The following NCOR1 variants were observed in gnomAD, a reference collection of about 807,000 sequenced individuals.
The protein encoded by NCOR1 is protein phosphatase 1, regulatory subunit 109.
A neutral mutation model predicts 288.1 loss-of-function variants in NCOR1; 63 were observed. That is an observed-to-expected ratio of 0.22 (90% confidence interval 0.18 to 0.27). The LOEUF is 0.27. Among genes scored for constraint, NCOR1 ranks in the 10% least tolerant of loss-of-function variants. The pLI, the probability that NCOR1 is intolerant of heterozygous loss-of-function variation, is 1.00. For synonymous variants in NCOR1, 1,007 were observed against 1,065.9 expected, an observed-to-expected ratio of 0.94 and a Z score of 1.08; for missense variants, 2,397 against 3,019.2, an observed-to-expected ratio of 0.79 and a Z score of 4.83.
chr17:16,151,322 C>T (rs988205980), intron 8 of NCOR1, among the ~76,000 whole-genome samples: 3 of 151,994 alleles, frequency 2.0e-5, no homozygotes, highest in African/African-American at 7.3e-5. Context: ...AGGCCTGGTA[C>T]TAGGATGAGC....
At chr17:16,166,143 G>C (rs1346170391) in intron 4 of NCOR1, among the ~76,000 whole-genome samples, 1 of 152,128 alleles carries the variant, frequency 6.6e-6, no homozygotes, top group Non-Finnish European at 1.5e-5. Context: ...CTGAATCTAA[G>C]AGGCCTTCTG....
At chr17:16,057,255 A>G (rs1236203848) in intron 40 of NCOR1, 2 of 449,130 alleles carry the variant, frequency 4.5e-6, no homozygotes, top group East Asian at 4.2e-5. Context: ...CAAACTACAC[A>G]TTCTTCTTAA....
chr17:16,190,342 TTC>T (rs2087883852), intron 2 of NCOR1, among the ~76,000 whole-genome samples: 1 of 152,074 alleles, frequency 6.6e-6, no homozygotes. Context: ...CTGAAAGAAT[TTC>T]TTTTTTTTTT....
Position 16,041,044 on chromosome 17 carries a change from G to A in NCOR1, c.6680-550C>T, listed in dbSNP as rs544113713. 56 of 153,518 alleles carry A rather than the reference G, an allele frequency of 3.6e-4. 1 individual carries two copies. Among genetic ancestry groups the A allele is most frequent in the East Asian group, 1.3e-3 (7 of 5,214 alleles). The allele number at this position is 153,518 out of a possible 1,614,324, so 9.5% of individuals were successfully genotyped here. On this transcript the variant is annotated intron_variant, in intron 42 of 45. Coordinates refer to ENST00000268712, the MANE Select transcript of NCOR1 (RefSeq NM_006311.4). ...GGATGACCGCCACAAATACCAACAG[G>A]TTTGAGGCAGCCTGGGATGTGATCC...
intron 35 of NCOR1, among the ~76,000 whole-genome samples, 184 bp downstream of exon 35, chr17:16,063,884 T>TA (rs2060817931): frequency 1.3e-5 from 2 of 152,236 alleles, no homozygotes; most frequent in Non-Finnish European, 1.5e-5. Context: ...TTTTTCCGTG[T>TA]AAAATTCACG....
At chr17:16,147,912 G>A (rs2078244591) in intron 9 of NCOR1, among the ~76,000 whole-genome samples, 1 of 152,156 alleles carries the variant, frequency 6.6e-6, no homozygotes, top group Admixed American at 6.5e-5. Flanking sequence ...CCGCCTCCCG[G>A]GTTCAAGTTA....
intron 18 of NCOR1, among the ~76,000 whole-genome samples, chr17:16,109,671 A>T (rs113262600): frequency 5.2e-4 from 79 of 152,324 alleles, no homozygotes; most frequent in Non-Finnish European, 9.6e-4. Flanking sequence ...AGCATTAAGA[A>T]TCACGCAATT....
chr17:16,095,492 G>A (rs1474032939), intron 21 of NCOR1, among the ~76,000 whole-genome samples: 4 of 144,668 alleles, frequency 2.8e-5, no homozygotes, highest in Non-Finnish European at 3.1e-5. Flanking sequence ...GGGAGGTAGG[G>A]GGGTCAGCCC....
chr17:16,163,981 G>A (rs2081443710), intron 5 of NCOR1, among the ~76,000 whole-genome samples: 2 of 152,174 alleles, frequency 1.3e-5, no homozygotes, highest in African/African-American at 4.8e-5. Context: ...GCTGCCAGGG[G>A]TTGGGGAAAA....
At chr17:16,118,839 G>A (rs1202832762) in intron 17 of NCOR1, among the ~76,000 whole-genome samples, 1 of 151,996 alleles carries the variant, frequency 6.6e-6, no homozygotes, top group Non-Finnish European at 1.5e-5. Flanking sequence ...AACAAGCAAC[G>A]ACAGAAAAGC....
chr17:16,104,967 G>A, intron 19 of NCOR1, among the ~76,000 whole-genome samples: 1 of 152,176 alleles, frequency 6.6e-6, no homozygotes, highest in East Asian at 1.9e-4. Flanking sequence ...AAAGCACAAA[G>A]GCTCCTGAAG....
chr17:16,039,319 ACT>A (rs757221991), intron 44 of NCOR1, 112 bp downstream of exon 44: 1 of 1,000,266 alleles, frequency 1.0e-6, no homozygotes, highest in Admixed American at 2.3e-5. Context: ...CTAAGAGGTG[ACT>A]CTGAGCACAT....
At chr17:16,133,513 T>C (rs1478384547) in intron 14 of NCOR1, among the ~76,000 whole-genome samples, 1 of 152,212 alleles carries the variant, frequency 6.6e-6, no homozygotes, top group Non-Finnish European at 1.5e-5. Flanking sequence ...TGGATCTCTG[T>C]ATCCACCAGG....
chr17:16,198,758 A>T (rs1275709168), intron 1 of NCOR1: 1 of 152,136 alleles, frequency 6.6e-6, no homozygotes, highest in African/African-American at 2.4e-5. Flanking sequence ...TCACTATATG[A>T]ACATTCATGC....
In NCOR1 at chr17:16,068,084, C is replaced by T. The variant is rs2152700232; in HGVS notation, c.4551G>A (p.Arg1517=). ...TCTGGGTAGGGGTCAGTGTCGATTT[C>T]CTTTCATGATTGGTAGACTTGTTAG... ...ISSNKSTNHE[R]KSTLTPTQRE... The change falls in exon 32 of 46, where the codon AGG becomes AGA. Residue 1517 remains arginine (R), a synonymous_variant. Transcript: ENST00000268712. 6.2e-7 allele frequency: 1 copy of T among 1,613,726 alleles called. No individual in the cohort carries two copies. Among genetic ancestry groups the T allele is most frequent in the Non-Finnish European group, 8.5e-7 (1 of 1,179,818 alleles).
intron 14 of NCOR1, among the ~76,000 whole-genome samples, chr17:16,134,361 A>G (rs931818041): frequency 2.0e-5 from 3 of 152,248 alleles, no homozygotes; most frequent in Admixed American, 2.0e-4. Context: ...CTTCAAAGCA[A>G]TAACTTAAAA....
chr17:16,130,572 A>G (rs1157662795), intron 14 of NCOR1, among the ~76,000 whole-genome samples: 2 of 152,264 alleles, frequency 1.3e-5, no homozygotes, highest in Non-Finnish European at 2.9e-5. Context: ...AACATGAAAC[A>G]TTTCTGTCAA....
intron 21 of NCOR1, among the ~76,000 whole-genome samples, chr17:16,096,868 G>C (rs1047962377): frequency 3.6e-4 from 55 of 152,240 alleles, no homozygotes; most frequent in Middle Eastern, 3.4e-3. Flanking sequence ...ATAGTCCAGA[G>C]GTGGAAGCAA....
intron 17 of NCOR1, among the ~76,000 whole-genome samples, chr17:16,118,529 G>A (rs943702427): frequency 3.3e-5 from 5 of 151,984 alleles, no homozygotes; most frequent in Non-Finnish European, 7.4e-5. Flanking sequence ...AAATCCTATG[G>A]TAATACAATG....
Sources: gnomAD v4.1 joint callset for allele counts (sites outside exome capture counted in the v4.1 genomes callset) on GRCh38, gnomAD v4.1.1 for gene constraint, MANE v1.5 for transcripts, NCBI Gene and HGNC (gene_info 2026-07-23, HGNC 2026-07-21) for gene names.